CYP20A1: variants seen among roughly 807,000 people sequenced by gnomAD.
The protein encoded by CYP20A1 is cytochrome P450 family 20 subfamily A member 1.
Under a neutral mutation model 61.4 loss-of-function variants are expected in CYP20A1, and 61 were observed. The ratio of observed to expected loss-of-function variants is 0.99; its 90% confidence interval spans 0.81 to 1.23. The LOEUF (loss-of-function observed/expected upper bound fraction) is 1.23, where lower values mean the gene tolerates loss of function less well. Ranked by LOEUF, CYP20A1 falls within the 50% of genes most tolerant of loss-of-function variation. The pLI is 0.00. For missense variants in CYP20A1, 530 were observed against 542.4 expected (o/e 0.98, Z 0.23); for synonymous variants, 193 against 188.2 (o/e 1.03, Z -0.21).
Position 203,278,655 on chromosome 2 carries a change from C to T in CYP20A1, c.762C>T (p.Asp254=). The change falls in exon 7 of 13, where the codon GAC becomes GAT. Residue 254 remains aspartate (D), a synonymous_variant. Coordinates refer to ENST00000356079, the MANE Select transcript of CYP20A1 (RefSeq NM_177538.3). ...ACTTCAGTCAACATATTTTCATTGA[C>T]TCCTTAGTACAAGGGAACCTTAATG... ...GRNFSQHIFI[D]SLVQGNLNDQ... 1.3e-6 allele frequency: 2 copies of T among 1,598,316 alleles called. No individual in the cohort carries two copies. Among genetic ancestry groups the T allele is most frequent in the South Asian group, 2.3e-5 (2 of 88,524 alleles).
chr2:203,279,527 G>A (rs2067960441), intron 7 of CYP20A1, among the ~76,000 whole-genome samples: 1 of 152,122 alleles, frequency 6.6e-6, no homozygotes, highest in African/African-American at 2.4e-5. Flanking sequence ...GAGGTGAGTT[G>A]TTATTGCCAC....
intron 1 of CYP20A1, 92 bp downstream of exon 1, chr2:203,239,226 G>T: frequency 8.8e-7 from 1 of 1,131,094 alleles, no homozygotes; most frequent in Non-Finnish European, 1.3e-6. Flanking sequence ...GCGGGCCGCA[G>T]GGGGCGGGCC....
intron 9 of CYP20A1, among the ~76,000 whole-genome samples, chr2:203,287,888 C>A (rs1194633270): frequency 6.6e-6 from 1 of 151,792 alleles, no homozygotes; most frequent in Non-Finnish European, 1.5e-5. Flanking sequence ...ACAAACTACT[C>A]CTCTGTATAG....
At chr2:203,264,646 GT>G (rs2067257331) in intron 4 of CYP20A1, among the ~76,000 whole-genome samples, 1 of 151,998 alleles carries the variant, frequency 6.6e-6, no homozygotes, top group South Asian at 2.1e-4. Context: ...ATGCACATGG[GT>G]TTAAATTTTA....
In CYP20A1 at chr2:203,302,965, A is replaced by G. The variant is rs2069079798; in HGVS notation, c.*6057A>G. Among the ~76,000 whole-genome samples, 1 of 151,928 alleles carries G rather than the reference A, an allele frequency of 6.6e-6. No individual in the cohort carries two copies. Among genetic ancestry groups the G allele is most frequent in the South Asian group, 2.1e-4 (1 of 4,814 alleles). On this transcript the variant is annotated 3_prime_UTR_variant, in exon 13 of 13. Coordinates refer to ENST00000356079, the MANE Select transcript of CYP20A1 (RefSeq NM_177538.3). Reference sequence around the variant, plus strand: ...CTCAGCCTCCCAGAGTGCTGGGATTACAAGCATGAGCCACCGCGCTCGGTC... The same window carrying G: ...CTCAGCCTCCCAGAGTGCTGGGATTGCAAGCATGAGCCACCGCGCTCGGTC...
In CYP20A1 at chr2:203,264,807, G is replaced by T. The variant is rs574298952; in HGVS notation, c.433-1707G>T. Among the ~76,000 whole-genome samples, 19 of 152,168 alleles carry T rather than the reference G, an allele frequency of 1.2e-4. No homozygotes were observed. The South Asian group carries it at 2.5e-3, about 20-fold the overall frequency. On this transcript the variant is annotated intron_variant, in intron 4 of 12. Coordinates refer to ENST00000356079, the MANE Select transcript of CYP20A1 (RefSeq NM_177538.3). ...TGCAGTGGTGCAATCTCAGCTCACTGCAAGCTCTGCCTCCTGGGTTCATGC... is the reference window on the plus strand; with the variant it reads ...TGCAGTGGTGCAATCTCAGCTCACTTCAAGCTCTGCCTCCTGGGTTCATGC...
intron 3 of CYP20A1, 54 bp from the exon 4 acceptor site, chr2:203,251,913 G>A: frequency 2.9e-6 from 4 of 1,387,906 alleles, no homozygotes; most frequent in Non-Finnish European, 2.9e-6. Flanking sequence ...CTCTTACAGG[G>A]TATCTTTTTG....
At chr2:203,263,675 A>G (rs908052498) in intron 4 of CYP20A1, among the ~76,000 whole-genome samples, 3 of 152,174 alleles carry the variant, frequency 2.0e-5, no homozygotes, top group African/African-American at 7.2e-5. Flanking sequence ...CTTTAGCTTA[A>G]GGGTTATCTA....
In CYP20A1 at chr2:203,239,217, CG is replaced by C; in HGVS notation, c.72+86del. The C allele has an allele frequency of 5.7e-6, 7 of 1,224,992 alleles. No homozygotes were observed. In the South Asian group the frequency reaches 6.1e-5, roughly 11 times the overall value. 75.9% of individuals were successfully genotyped at this position (1,224,992 alleles called of 1,614,324 possible). ...GGCATCCAGGCCAACCTGCCCGCTGCGGGCCGCAGGGGGCGGGCCTGAGAGG... is the reference window on the plus strand; with the variant it reads ...GGCATCCAGGCCAACCTGCCCGCTGCGGCCGCAGGGGGCGGGCCTGAGAGG... On this transcript the variant is annotated intron_variant, in intron 1 of 12. Coordinates refer to ENST00000356079, the MANE Select transcript of CYP20A1 (RefSeq NM_177538.3).
intron 5 of CYP20A1, among the ~76,000 whole-genome samples, chr2:203,269,495 T>A (rs890951506): frequency 1.7e-5 from 2 of 115,916 alleles, no homozygotes; most frequent in African/African-American, 6.6e-5. Flanking sequence ...AAATATATAG[T>A]TCTTTTTTTT....
At chr2:203,240,119 A>ACAAG (rs532908596) in intron 1 of CYP20A1, among the ~76,000 whole-genome samples, 3 of 152,054 alleles carry the variant, frequency 2.0e-5, no homozygotes, top group African/African-American at 4.8e-5. Context: ...AAACAAACAA[A>ACAAG]AAACACCTGT....
intron 8 of CYP20A1, among the ~76,000 whole-genome samples, chr2:203,283,420 G>T (rs2068127121): frequency 6.6e-6 from 1 of 151,408 alleles, no homozygotes; most frequent in Non-Finnish European, 1.5e-5. Flanking sequence ...GTTTCACTGT[G>T]TTGGCCAGGC....
chr2:203,249,142 C>G (rs1038106288), intron 3 of CYP20A1, among the ~76,000 whole-genome samples: 1 of 152,184 alleles, frequency 6.6e-6, no homozygotes, highest in Non-Finnish European at 1.5e-5. Context: ...AAACCTCTTA[C>G]AATGGTACAA....
Position 203,243,531 on chromosome 2 carries a change from C to CCA in CYP20A1, c.73-2313_73-2312dup, listed in dbSNP as rs922716578. On this transcript the variant is annotated intron_variant, in intron 1 of 12. Transcript: ENST00000356079. ...TCCTGAGTAGCTGGCATTACAGCAC[C>CCA]CACTACCACGCCCTGTTAATTTTTG... Among the ~76,000 whole-genome samples, 37 of 151,460 alleles carry CCA rather than the reference C, an allele frequency of 2.4e-4. 1 individual carries two copies. The highest frequency in any genetic ancestry group is 1.5e-3 in the Admixed American group (23 of 15,172).
chr2:203,242,540 C>T (rs1475200956), intron 1 of CYP20A1, among the ~76,000 whole-genome samples: 1 of 152,100 alleles, frequency 6.6e-6, no homozygotes, highest in Non-Finnish European at 1.5e-5. Context: ...ATAATCCCAG[C>T]ACTTCGGGAG....
chr2:203,302,503 C>T lies in CYP20A1; in HGVS notation c.*5595C>T, dbSNP rs1014649594. On this transcript the variant is annotated 3_prime_UTR_variant, in exon 13 of 13. Transcript: ENST00000356079. ...GAGCTGTGGTAGTGCCACTGCACTC[C>T]CTCATGGTTGACAGAGCAAGACCCT... is the stretch of plus-strand genomic sequence containing the variant. 2.0e-5 allele frequency among the ~76,000 whole-genome samples: 3 copies of T among 152,110 alleles called. No individual in the cohort carries two copies. Among genetic ancestry groups the T allele is most frequent in the Admixed American group, 6.6e-5 (1 of 15,260 alleles).
At chr2:203,251,103 G>GA (rs2066654502) in intron 3 of CYP20A1, among the ~76,000 whole-genome samples, 1 of 143,790 alleles carries the variant, frequency 7.0e-6, no homozygotes, top group Non-Finnish European at 1.5e-5. Flanking sequence ...TAACAGCTGT[G>GA]AAAAATGTCT....
intron 9 of CYP20A1, among the ~76,000 whole-genome samples, chr2:203,287,738 A>C (rs1018690163): frequency 6.6e-6 from 1 of 152,038 alleles, no homozygotes; most frequent in African/African-American, 2.4e-5. Flanking sequence ...TTAAAAGTTT[A>C]AGCTCTAATA....
intron 6 of CYP20A1, 42 bp downstream of exon 6, chr2:203,272,790 ATG>A (rs754785728): frequency 8.4e-6 from 10 of 1,196,938 alleles, no homozygotes; most frequent in Admixed American, 2.0e-5. Context: ...CAAAAAATAA[ATG>A]TGCCCCAGTT....
Sources: allele counts gnomAD v4.1 joint callset (sites outside exome capture counted in the v4.1 genomes callset), GRCh38; gene constraint gnomAD v4.1.1; transcripts MANE v1.5; gene names NCBI Gene and HGNC (gene_info 2026-07-23, HGNC 2026-07-21).